NRG3: variants seen among roughly 807,000 people sequenced by gnomAD.
The protein encoded by NRG3 is neuregulin 3, also known as pro-neuregulin-3, membrane-bound isoform.
NRG3 carries 31 observed loss-of-function variants against 66.9 expected under a neutral mutation model. The observed-to-expected ratio is 0.46, with a 90% CI of 0.35 to 0.63. The LOEUF is 0.63. NRG3 is among the 20% of genes least tolerant of loss of function. The probability of loss-of-function intolerance (pLI) is 0.00; values close to 1 mark genes in which losing one functional copy is unlikely to be tolerated. For missense variants in NRG3, 910 were observed against 878.9 expected, an observed-to-expected ratio of 1.04 and a Z score of -0.45; for synonymous variants, 393 against 359.4, an observed-to-expected ratio of 1.09 and a Z score of -1.06.
chr10:81,935,565 A>G (rs1311044909), intron 1 of NRG3, among the ~76,000 whole-genome samples: 1 of 152,114 alleles, frequency 6.6e-6, no homozygotes, highest in Admixed American at 6.6e-5. Flanking sequence ...GACCTATTTC[A>G]GGGAACAACA....
intron 2 of NRG3, among the ~76,000 whole-genome samples, chr10:82,680,231 T>C (rs2134114537): frequency 6.6e-6 from 1 of 152,308 alleles, no homozygotes; most frequent in Admixed American, 6.5e-5. Context: ...TCTTGAGCAA[T>C]GCCTCACATC....
Position 81,952,202 on chromosome 10 carries a change from T to C in NRG3, c.823+76039T>C, listed in dbSNP as rs369874629. Among the ~76,000 whole-genome samples, 9 of 152,300 alleles carry C rather than the reference T, an allele frequency of 5.9e-5. No homozygotes were observed. The South Asian group carries it at 6.2e-4, about 11-fold the overall frequency. Reference sequence around the variant, plus strand: ...CACATGTATGCATATGTAACTAACCTGCACGTTGTGCACATGTACCCTAAA... The same window carrying C: ...CACATGTATGCATATGTAACTAACCCGCACGTTGTGCACATGTACCCTAAA... On this transcript the variant is annotated intron_variant, in intron 1 of 8. Transcript: ENST00000372141.
chr10:82,786,577 A>G (rs2060374247), intron 3 of NRG3, among the ~76,000 whole-genome samples: 1 of 152,140 alleles, frequency 6.6e-6, no homozygotes, highest in African/African-American at 2.4e-5. Context: ...CGCCTTGAGT[A>G]TGACCCATAT....
At chr10:82,127,590 G>C (rs1018295370) in intron 1 of NRG3, among the ~76,000 whole-genome samples, 2 of 152,046 alleles carry the variant, frequency 1.3e-5, no homozygotes, top group Non-Finnish European at 2.9e-5. Context: ...TTTGGGCACA[G>C]ATATTTGGCT....
At chr10:82,785,496 C>CTA (rs1328225625) in intron 3 of NRG3, among the ~76,000 whole-genome samples, 1 of 152,022 alleles carries the variant, frequency 6.6e-6, no homozygotes, top group African/African-American at 2.4e-5. Context: ...ACAGTAAAGG[C>CTA]TACTCTGACA....
At chr10:82,301,303 A>G (rs1181854037) in intron 1 of NRG3, among the ~76,000 whole-genome samples, 1 of 152,114 alleles carries the variant, frequency 6.6e-6, no homozygotes, top group Non-Finnish European at 1.5e-5. Context: ...CTTAATTTTC[A>G]AGTGTTTATG....
At chr10:82,113,178 A>C (rs952812942) in intron 1 of NRG3, among the ~76,000 whole-genome samples, 1 of 152,188 alleles carries the variant, frequency 6.6e-6, no homozygotes. Flanking sequence ...AGTGGGCTAA[A>C]TGCTTTTCAT....
chr10:82,110,107 G>A (rs1365534477), intron 1 of NRG3, among the ~76,000 whole-genome samples: 1 of 152,190 alleles, frequency 6.6e-6, no homozygotes, highest in East Asian at 1.9e-4. Context: ...AGACAAAATT[G>A]GGAAAGGGTA....
chr10:82,257,128 T>C (rs545929298), intron 1 of NRG3, among the ~76,000 whole-genome samples: 3 of 152,240 alleles, frequency 2.0e-5, no homozygotes, highest in African/African-American at 4.8e-5. Flanking sequence ...CTGGAATGTA[T>C]GTAAATTTTT....
intron 2 of NRG3, among the ~76,000 whole-genome samples, chr10:82,385,248 C>A (rs751308392): frequency 2.6e-5 from 4 of 151,998 alleles, no homozygotes; most frequent in Non-Finnish European, 5.9e-5. Flanking sequence ...AGTTTTCTCC[C>A]GTTCTGTTTC....
intron 1 of NRG3, among the ~76,000 whole-genome samples, chr10:82,286,262 A>G (rs1395386568): frequency 6.6e-6 from 1 of 152,192 alleles, no homozygotes; most frequent in African/African-American, 2.4e-5. Flanking sequence ...TTTAAAGGAA[A>G]ATAGTGAAAA....
chr10:82,609,402 G>A (rs971648155), intron 2 of NRG3, among the ~76,000 whole-genome samples: 21 of 152,014 alleles, frequency 1.4e-4, no homozygotes, highest in African/African-American at 4.8e-4. Context: ...AAGTTCAAGG[G>A]GCCTGCTTAC....
At chr10:81,909,106 T>A (rs1844870279) in intron 1 of NRG3, among the ~76,000 whole-genome samples, 2 of 152,214 alleles carry the variant, frequency 1.3e-5, no homozygotes, top group African/African-American at 2.4e-5. Flanking sequence ...CTTTCTTGCT[T>A]CTTTTAGATT....
chr10:82,653,323 A>G (rs995134149), intron 2 of NRG3, among the ~76,000 whole-genome samples: 10 of 152,224 alleles, frequency 6.6e-5, no homozygotes, highest in African/African-American at 2.2e-4. Context: ...AGAAGCTACC[A>G]GGATAGAAGC....
chr10:82,615,703 G>A (rs1349350977), intron 2 of NRG3, among the ~76,000 whole-genome samples: 2 of 152,112 alleles, frequency 1.3e-5, no homozygotes, highest in African/African-American at 4.8e-5. Flanking sequence ...TGTTTAATAA[G>A]TTTCACACTT....
At chr10:82,115,614 T>A (rs1001910468) in intron 1 of NRG3, among the ~76,000 whole-genome samples, 5 of 152,122 alleles carry the variant, frequency 3.3e-5, no homozygotes, top group Non-Finnish European at 7.4e-5. Flanking sequence ...GTAATGTGAT[T>A]AATTGAGACA....
chr10:81,910,824 AT>A (rs1845065442), intron 1 of NRG3, among the ~76,000 whole-genome samples: 1 of 151,674 alleles, frequency 6.6e-6, no homozygotes, highest in Non-Finnish European at 1.5e-5. Flanking sequence ...GCTAATTTTT[AT>A]TTTATTTTAT....
chr10:82,190,366 C>A (rs1769234691), intron 1 of NRG3, among the ~76,000 whole-genome samples: 1 of 152,008 alleles, frequency 6.6e-6, no homozygotes, highest in African/African-American at 2.4e-5. Flanking sequence ...AAAGTTATGG[C>A]TTTTGTTTTA....
intron 1 of NRG3, among the ~76,000 whole-genome samples, chr10:81,910,866 C>G (rs1024870720): frequency 1.3e-5 from 2 of 152,028 alleles, no homozygotes; most frequent in Non-Finnish European, 2.9e-5. Context: ...CAATGTTGCC[C>G]AGGCAGATCT....
Sources: gnomAD v4.1 joint callset for allele counts (sites outside exome capture counted in the v4.1 genomes callset) on GRCh38, gnomAD v4.1.1 for gene constraint, MANE v1.5 for transcripts, NCBI Gene and HGNC (gene_info 2026-07-23, HGNC 2026-07-21) for gene names.